CSMD1: variants seen among roughly 807,000 people sequenced by gnomAD.
The protein encoded by CSMD1 is CUB and Sushi multiple domains 1, also known as CUB and sushi domain-containing protein 1.
In CSMD1, 213 loss-of-function variants were observed where a neutral mutation model predicts 417.5. That is an observed-to-expected ratio of 0.51 (90% CI 0.46 to 0.57). The LOEUF is 0.57. Ranked by LOEUF, CSMD1 falls within the 20% of genes least tolerant of loss-of-function variation. The pLI, the probability that CSMD1 is intolerant of heterozygous loss-of-function variation, is 0.00. For synonymous variants in CSMD1, 2,862 were observed against 1,736.8 expected, an observed-to-expected ratio of 1.65 and a Z score of -16.11; for missense variants, 6,923 against 4,529.7, an observed-to-expected ratio of 1.53 and a Z score of -15.17.
At chr8:4,420,909 C>T (rs887470691) in intron 2 of CSMD1, among the ~76,000 whole-genome samples, 1 of 152,194 alleles carries the variant, frequency 6.6e-6, no homozygotes, top group African/African-American at 2.4e-5. Context: ...AGGAGCCCTC[C>T]TCCCTCCCTG....
intron 3 of CSMD1, among the ~76,000 whole-genome samples, chr8:4,156,971 A>G (rs1032599073): frequency 2.0e-5 from 3 of 152,130 alleles, no homozygotes; most frequent in African/African-American, 4.8e-5. Flanking sequence ...ACTGCTTGGC[A>G]GATGATGCAT....
At chr8:3,549,377 G>C (rs75639158) in intron 10 of CSMD1, among the ~76,000 whole-genome samples, 4,595 of 152,256 alleles carry the variant, frequency 0.03, 176 homozygotes, top group African/African-American at 0.086. Flanking sequence ...GACAGATCTA[G>C]GCCTTATTCT....
chr8:3,315,437 AGTGTGT>A (rs35460301), intron 23 of CSMD1, among the ~76,000 whole-genome samples: 21 of 124,164 alleles, frequency 1.7e-4, no homozygotes, highest in African/African-American at 2.9e-4. Context: ...AGGTGAAGTG[AGTGTGT>A]GTGTGTGTGT....
chr8:3,492,354 C>T (rs560399961), intron 11 of CSMD1, among the ~76,000 whole-genome samples: 1 of 152,074 alleles, frequency 6.6e-6, no homozygotes, highest in Non-Finnish European at 1.5e-5. Context: ...TAGGGCAGAC[C>T]AGCTCATCTG....
At chr8:4,429,455 T>A (rs980722052) in intron 2 of CSMD1, among the ~76,000 whole-genome samples, 1 of 152,104 alleles carries the variant, frequency 6.6e-6, no homozygotes, top group African/African-American at 2.4e-5. Flanking sequence ...TGGCTCAGTT[T>A]GGTTCTTTGG....
chr8:3,074,064 G>A (rs904806239), intron 49 of CSMD1, among the ~76,000 whole-genome samples: 9 of 152,216 alleles, frequency 5.9e-5, no homozygotes, highest in Non-Finnish European at 1.0e-4. Flanking sequence ...CTGGAGGCGC[G>A]GGAAGAATCC....
At chr8:3,236,599 G>C (rs1308638342) in intron 26 of CSMD1, among the ~76,000 whole-genome samples, 1 of 152,112 alleles carries the variant, frequency 6.6e-6, no homozygotes, top group Non-Finnish European at 1.5e-5. Flanking sequence ...CCCCACCCAG[G>C]GGCACTCCAT....
At chr8:3,018,847 G>T (rs1809102901) in intron 51 of CSMD1, among the ~76,000 whole-genome samples, 197 bp from the exon 52 acceptor site, 1 of 152,120 alleles carries the variant, frequency 6.6e-6, no homozygotes, top group Non-Finnish European at 1.5e-5. Flanking sequence ...CCATCTTTAT[G>T]CTCCTGAAAC....
chr8:3,776,275 T>A (rs1289635833), intron 5 of CSMD1, among the ~76,000 whole-genome samples: 1 of 152,106 alleles, frequency 6.6e-6, no homozygotes, highest in Non-Finnish European at 1.5e-5. Context: ...CTCCATTCTA[T>A]TCTCAGAACA....
At position 3,979,081 on chromosome 8, in the gene CSMD1, C is replaced by G. The variant is rs561324701; in HGVS notation, c.818+18822G>C. On this transcript the variant is annotated intron_variant, in intron 5 of 69. Transcript: ENST00000635120. ...CTTTCCTTCAGATGTGCACAGCGAC[C>G]TTTGAACAGTAGCCAGTGCATTTAG... Among the ~76,000 whole-genome samples, 4 of 152,312 alleles carry G rather than the reference C, an allele frequency of 2.6e-5. No homozygotes were observed. The South Asian group carries it at 8.3e-4, about 32-fold the overall frequency.
intron 1 of CSMD1, among the ~76,000 whole-genome samples, chr8:4,741,281 T>C (rs551710137): frequency 1.3e-5 from 2 of 152,330 alleles, no homozygotes; most frequent in Admixed American, 1.3e-4. Flanking sequence ...AAATTTATTA[T>C]ATCACAATGA....
intron 6 of CSMD1, among the ~76,000 whole-genome samples, chr8:3,717,392 C>A (rs193162469): frequency 6.6e-6 from 1 of 151,440 alleles, no homozygotes; most frequent in Admixed American, 6.6e-5. Flanking sequence ...CTGAGTCACA[C>A]AGTATTAATT....
intron 1 of CSMD1, among the ~76,000 whole-genome samples, chr8:4,932,715 C>T (rs1001098909): frequency 2.0e-5 from 3 of 152,174 alleles, no homozygotes; most frequent in South Asian, 2.1e-4. Flanking sequence ...TGTGCTGGCA[C>T]AGAAGTGATC....
At chr8:3,730,222 T>A (rs1208308138) in intron 6 of CSMD1, among the ~76,000 whole-genome samples, 1 of 152,042 alleles carries the variant, frequency 6.6e-6, no homozygotes, top group African/African-American at 2.4e-5. Context: ...CCAGTTTGAT[T>A]CCCCATATGG....
At chr8:3,955,628 TA>T (rs1811889248) in intron 5 of CSMD1, among the ~76,000 whole-genome samples, 1 of 152,082 alleles carries the variant, frequency 6.6e-6, no homozygotes, top group Non-Finnish European at 1.5e-5. Flanking sequence ...ATCTCATCAA[TA>T]AATACCTCAC....
intron 1 of CSMD1, among the ~76,000 whole-genome samples, chr8:4,646,213 G>C (rs182280557): frequency 1.3e-5 from 2 of 152,146 alleles, no homozygotes; most frequent in Non-Finnish European, 2.9e-5. Context: ...ATGCATGGTA[G>C]AACTAATCTT....
Position 4,691,290 on chromosome 8 carries a change from G to A in CSMD1, c.86-53732C>T, listed in dbSNP as rs190267916. 1.6e-3 allele frequency among the ~76,000 whole-genome samples: 243 copies of A among 152,254 alleles called. 3 individuals are homozygous for A. The highest frequency in any genetic ancestry group is 5.7e-3 in the African/African-American group (236 of 41,550). ...GAATAGGTGGAGAGTGTGAATTTCA[G>A]CTGTAAGCCTTAGTTTAATTTTCTT... On this transcript the variant is annotated intron_variant, in intron 1 of 69. Coordinates refer to ENST00000635120, the MANE Select transcript of CSMD1 (RefSeq NM_033225.6).
chr8:4,584,276 C>T (rs374645547), intron 2 of CSMD1, among the ~76,000 whole-genome samples: 1 of 152,002 alleles, frequency 6.6e-6, no homozygotes, highest in Non-Finnish European at 1.5e-5. Context: ...CACCTATCGC[C>T]AAGCAGTGAG....
chr8:4,287,656 G>GTATTATTATTATTATTAT (rs57908266), intron 3 of CSMD1, among the ~76,000 whole-genome samples: 38 of 146,128 alleles, frequency 2.6e-4, no homozygotes, highest in South Asian at 4.5e-4. Context: ...GTCATAGGTG[G>GTATTATTATTATTATTAT]TATTATTATT....
Sources: gnomAD v4.1 joint callset for allele counts (sites outside exome capture counted in the v4.1 genomes callset) on GRCh38, gnomAD v4.1.1 for gene constraint, MANE v1.5 for transcripts, NCBI Gene and HGNC (gene_info 2026-07-23, HGNC 2026-07-21) for gene names.